IL1RL2: variants seen among roughly 807,000 people sequenced by gnomAD.
IL1RL2 encodes interleukin 1 receptor like 2.
In IL1RL2, 68 loss-of-function variants were observed where a neutral mutation model predicts 66.8. The ratio of observed to expected loss-of-function variants is 1.02; its 90% CI spans 0.84 to 1.25. IL1RL2 has a LOEUF of 1.25. Ranked by LOEUF, IL1RL2 falls within the 50% of genes most tolerant of loss-of-function variation. The pLI, the probability that IL1RL2 is intolerant of heterozygous loss-of-function variation, is 0.00. For missense variants in IL1RL2, 729 were observed against 709.3 expected (o/e 1.03, Z -0.32); for synonymous variants, 305 against 264.6 (o/e 1.15, Z -1.48).
At chr2:102,234,844 A>AC in intron 10 of IL1RL2, 53 bp from the exon 11 acceptor site, 1 of 1,500,480 alleles carries the variant, frequency 6.7e-7, no homozygotes, top group East Asian at 2.3e-5. Flanking sequence ...TAGCATTAAG[A>AC]CCCGGGCTGT....
At chr2:102,230,522 A>T (rs1691028499) in intron 9 of IL1RL2, among the ~76,000 whole-genome samples, 1 of 152,176 alleles carries the variant, frequency 6.6e-6, no homozygotes, top group African/African-American at 2.4e-5. Flanking sequence ...AAGCTCTTTG[A>T]GCCTCCGTAA....
intron 3 of IL1RL2, among the ~76,000 whole-genome samples, chr2:102,190,891 G>A (rs1391710394): frequency 6.6e-6 from 1 of 152,164 alleles, no homozygotes; most frequent in Admixed American, 6.5e-5. Flanking sequence ...TGCCATGAAA[G>A]AAAATGAACA....
At chr2:102,194,490 G>A (rs35304226) in intron 4 of IL1RL2, among the ~76,000 whole-genome samples, 40,410 of 151,994 alleles carry the variant, frequency 0.27, 6,304 homozygotes, top group East Asian at 0.38. Context: ...CGTAGAAAAT[G>A]CCAAACCATT....
chr2:102,192,187 T>G (rs1405318325), intron 4 of IL1RL2, 67 bp downstream of exon 4: 1 of 1,110,872 alleles, frequency 9.0e-7, no homozygotes, highest in Non-Finnish European at 1.3e-6. Context: ...TTTTATAGGT[T>G]AAGTTGTATT....
In IL1RL2 at chr2:102,233,125, G is replaced by A; in HGVS notation, c.1297+1G>A. 6.2e-7 allele frequency: 1 copy of A among 1,609,962 alleles called. No homozygotes were observed. Among genetic ancestry groups the A allele is most frequent in the Non-Finnish European group, 8.5e-7 (1 of 1,176,706 alleles). ...GGCAGAGATGAATTCCCTGGACAAG[G>A]TGGGTTTTAAGTGAGGTGTAAAAAT... is the stretch of plus-strand genomic sequence containing the variant. On this transcript the variant is annotated splice_donor_variant, in intron 10 of 11. Coordinates refer to ENST00000264257, the MANE Select transcript of IL1RL2 (RefSeq NM_003854.4). LOFTEE classifies it high-confidence loss of function.
rs1689955290 is a variant in IL1RL2, at chr2:102,219,959, C to A, written c.933C>A (p.Gly311=). ...TFLEVKMEDY[G]LPFMCHAGVS... is the part of the protein sequence containing the mutation. The stretch of plus-strand genomic sequence containing the variant: ...TGGAAGTGAAAATGGAAGATTATGG[C>A]CTTCCTTTCATGTGCCACGCTGGAG... Residue 311 remains glycine (G), a synonymous_variant, in exon 8 of 12, where the codon GGC becomes GGA. Coordinates refer to ENST00000264257, the MANE Select transcript of IL1RL2 (RefSeq NM_003854.4). 1.2e-6 allele frequency: 2 copies of A among 1,613,464 alleles called. No individual in the cohort carries two copies. The highest frequency in any genetic ancestry group is 2.2e-5 in the South Asian group (2 of 91,062).
Position 102,222,390 on chromosome 2 carries a change from T to A in IL1RL2, c.991+2373T>A, listed in dbSNP as rs548410569. Among the ~76,000 whole-genome samples the A allele has an allele frequency of 8.5e-4, 129 of 152,346 alleles. 2 individuals are homozygous for A. Among genetic ancestry groups the A allele is most frequent in the African/African-American group, 3.0e-3 (123 of 41,580 alleles). ...CATGTAGAGGCATCCCTCCAGGATA[T>A]ATCATGAAGAGTAGAGTTGCCAGGT... On this transcript the variant is annotated intron_variant, in intron 8 of 11. Coordinates refer to ENST00000264257, the MANE Select transcript of IL1RL2 (RefSeq NM_003854.4).
Position 102,239,572 on chromosome 2 carries a change from T to C in IL1RL2, c.*331T>C, listed in dbSNP as rs1475402469. On this transcript the variant is annotated 3_prime_UTR_variant, in exon 12 of 12. Transcript: ENST00000264257. ...CATCCCCATGTCATGGTGGGTGAGA[T>C]CTGGGGGTATCCCTGTGTCATGGTG... The C allele has an allele frequency of 3.4e-6, 1 of 291,546 alleles. No individual in the cohort carries two copies. Among genetic ancestry groups the C allele is most frequent in the Non-Finnish European group, 6.8e-6 (1 of 146,038 alleles). The allele number at this position is 291,546 out of a possible 1,614,324, so 18.1% of individuals were successfully genotyped here.
At chr2:102,242,658 A>G (rs927588658), downstream of IL1RL2, among the ~76,000 whole-genome samples, 1 of 152,110 alleles carries the variant, frequency 6.6e-6, no homozygotes, top group Non-Finnish European at 1.5e-5. Context: ...GATTTGGATG[A>G]TGCCCACCTG....
intron 11 of IL1RL2, chr2:102,235,812 A>G (rs1674828194): frequency 1.0e-6 from 1 of 985,316 alleles, no homozygotes; most frequent in South Asian, 4.7e-5. Context: ...CAGTGCAGAC[A>G]AAGAGCTGCA....
rs1441349352 is a variant in IL1RL2 at position 102,219,087 on chromosome 2, G to C, written c.854+5G>C. 4 of 1,613,726 alleles carry C rather than the reference G, an allele frequency of 2.5e-6. No individual in the cohort carries two copies. Among genetic ancestry groups the C allele is most frequent in the Non-Finnish European group, 1.7e-6 (2 of 1,179,712 alleles). ...ACGAATCAGAGAAGGGGTGGAGTAG[G>C]TGTTTTGCTTTTTTGACTTCTCTAA... On this transcript the variant is annotated splice_donor_5th_base_variant and intron_variant, in intron 7 of 11. Transcript: ENST00000264257.
intron 5 of IL1RL2, among the ~76,000 whole-genome samples, chr2:102,204,400 T>C (rs1265353855): frequency 6.6e-6 from 1 of 152,130 alleles, no homozygotes; most frequent in African/African-American, 2.4e-5. Flanking sequence ...TTAGATCCAT[T>C]TGGTCTATAG....
chr2:102,212,026 G>T (rs1689213381), intron 5 of IL1RL2, 74 bp from the exon 6 acceptor site: 1 of 1,031,604 alleles, frequency 9.7e-7, no homozygotes, highest in East Asian at 2.4e-5. Flanking sequence ...TGGGCTTCAT[G>T]CTATTACATC....
At chr2:102,231,513 A>T (rs770416260) in intron 9 of IL1RL2, among the ~76,000 whole-genome samples, 5 of 78,850 alleles carry the variant, frequency 6.3e-5, no homozygotes, top group African/African-American at 4.7e-4. Flanking sequence ...TAAAATAAAA[A>T]AATAAAATAA....
chr2:102,231,888 G>A (rs1284159221), intron 9 of IL1RL2, among the ~76,000 whole-genome samples: 1 of 152,186 alleles, frequency 6.6e-6, no homozygotes, highest in East Asian at 1.9e-4. Flanking sequence ...ATTCACTGGT[G>A]GGCCTGAATC....
chr2:102,202,641 T>C (rs1688362785), intron 5 of IL1RL2, among the ~76,000 whole-genome samples: 1 of 152,196 alleles, frequency 6.6e-6, no homozygotes, highest in Non-Finnish European at 1.5e-5. Flanking sequence ...GTTTTATGTG[T>C]GGCTATTGTA....
chr2:102,213,049 G>T (rs999359274), intron 6 of IL1RL2, among the ~76,000 whole-genome samples: 2 of 152,020 alleles, frequency 1.3e-5, no homozygotes, highest in Admixed American at 6.5e-5. Flanking sequence ...AAGCAAATTA[G>T]ACAAAAATCT....
rs757582816 is a variant in IL1RL2 at position 102,189,064 on chromosome 2, T to G, written c.59-12T>G. 8.2e-5 allele frequency: 131 copies of G among 1,591,434 alleles called. No homozygotes were observed. Among genetic ancestry groups the G allele is most frequent in the Admixed American group, 3.4e-4 (20 of 58,726 alleles). On this transcript the variant is annotated splice_polypyrimidine_tract_variant and intron_variant, in intron 2 of 11. Coordinates refer to ENST00000264257, the MANE Select transcript of IL1RL2 (RefSeq NM_003854.4). ...CATGGATAATTGTTTTGTTTTGTTT[T>G]TCTTTCCCTAGATGGATGCAAGGAC...
intron 10 of IL1RL2, among the ~76,000 whole-genome samples, chr2:102,233,391 G>C (rs1185892103): frequency 6.6e-6 from 1 of 152,138 alleles, no homozygotes; most frequent in Non-Finnish European, 1.5e-5. Context: ...GTGAGGATAT[G>C]GTTAAGCCAT....
Sources: allele counts gnomAD v4.1 joint callset (sites outside exome capture counted in the v4.1 genomes callset), GRCh38; gene constraint gnomAD v4.1.1; transcripts MANE v1.5; gene names NCBI Gene and HGNC (gene_info 2026-07-23, HGNC 2026-07-21).